The following KCNQ5 variants were observed in gnomAD, a reference collection of about 807,000 sequenced individuals.
KCNQ5 encodes potassium voltage-gated channel subfamily Q member 5.
Under a neutral mutation model 98.2 loss-of-function variants are expected in KCNQ5, and 30 were observed. The ratio of observed to expected loss-of-function variants is 0.31; its 90% CI spans 0.23 to 0.41. The LOEUF is 0.41. Among genes scored for constraint, KCNQ5 ranks in the 10% least tolerant of loss-of-function variants. The pLI, the probability that KCNQ5 is intolerant of heterozygous loss-of-function variation, is 1.00. For missense variants in KCNQ5, 835 were observed against 1,182.5 expected, an observed-to-expected ratio of 0.71 and a Z score of 4.31; for synonymous variants, 458 against 449.4, an observed-to-expected ratio of 1.02 and a Z score of -0.24.
chr6:72,636,976 C>T (rs2098924503), intron 1 of KCNQ5, among the ~76,000 whole-genome samples: 1 of 152,298 alleles, frequency 6.6e-6, no homozygotes, highest in East Asian at 1.9e-4. Context: ...TGGAGCTCGG[C>T]GTTCAGCTGC....
intron 1 of KCNQ5, among the ~76,000 whole-genome samples, chr6:72,952,725 G>A (rs1766862544): frequency 6.6e-6 from 1 of 152,196 alleles, no homozygotes; most frequent in African/African-American, 2.4e-5. Flanking sequence ...CCCTTTCTTG[G>A]ATAGTAACTG....
At chr6:73,081,561 T>G (rs757493374) in intron 5 of KCNQ5, among the ~76,000 whole-genome samples, 4 of 152,176 alleles carry the variant, frequency 2.6e-5, no homozygotes, top group Non-Finnish European at 5.9e-5. Context: ...AAAGACTCCC[T>G]TGGGGAGAAT....
chr6:72,859,912 G>A (rs1204588583), intron 1 of KCNQ5, among the ~76,000 whole-genome samples: 4 of 151,722 alleles, frequency 2.6e-5, no homozygotes, highest in Non-Finnish European at 5.9e-5. Flanking sequence ...TTAAATACCT[G>A]GTTGTCCTCT....
intron 1 of KCNQ5, among the ~76,000 whole-genome samples, chr6:72,656,537 T>C (rs1441858096): frequency 2.0e-5 from 3 of 152,236 alleles, no homozygotes; most frequent in African/African-American, 7.2e-5. Flanking sequence ...ATTATATCTT[T>C]GCAATATTAA....
intron 3 of KCNQ5, among the ~76,000 whole-genome samples, chr6:73,054,170 C>A (rs578020723): frequency 6.6e-6 from 1 of 151,962 alleles, no homozygotes; most frequent in Non-Finnish European, 1.5e-5. Context: ...GGACAGAGAC[C>A]AATAATGAGT....
chr6:72,784,886 G>A (rs904088714), intron 1 of KCNQ5, among the ~76,000 whole-genome samples: 1 of 152,218 alleles, frequency 6.6e-6, no homozygotes, highest in Non-Finnish European at 1.5e-5. Flanking sequence ...AAGAGAGAAA[G>A]TGATGGTAAT....
At chr6:72,887,771 G>A (rs1259208339) in intron 1 of KCNQ5, among the ~76,000 whole-genome samples, 1 of 151,944 alleles carries the variant, frequency 6.6e-6, no homozygotes, top group Non-Finnish European at 1.5e-5. Flanking sequence ...GTCCAAGACT[G>A]CAATTCCAAA....
Position 73,195,327 on chromosome 6 carries a change from G to A in KCNQ5, c.2712G>A (p.Arg904=), listed in dbSNP as rs771155611. 3 of 1,614,188 alleles carry A rather than the reference G, an allele frequency of 1.9e-6. No individual in the cohort carries two copies. The Admixed American group carries it at 5.0e-5, about 27-fold the overall frequency. The change falls in exon 14 of 14, where the codon AGG becomes AGA. Residue 904 remains arginine, a synonymous_variant. Coordinates refer to ENST00000370398, the MANE Select transcript of KCNQ5 (RefSeq NM_019842.4). ...CTGCCTTTGCATCAGACTCTCTAAG[G>A]ACTGGAAGGTCACGATCATCTCAGA... ...REAAFASDSL[R]TGRSRSSQSI...
At chr6:72,926,780 T>C (rs1765442710) in intron 1 of KCNQ5, among the ~76,000 whole-genome samples, 1 of 152,202 alleles carries the variant, frequency 6.6e-6, no homozygotes, top group Non-Finnish European at 1.5e-5. Context: ...CTAAGATTTA[T>C]AAATCATAAA....
chr6:72,870,983 A>G (rs910061076), intron 1 of KCNQ5, among the ~76,000 whole-genome samples: 3 of 152,166 alleles, frequency 2.0e-5, no homozygotes, highest in Non-Finnish European at 4.4e-5. Flanking sequence ...TAAAATCTTG[A>G]AAAGAATAGG....
intron 2 of KCNQ5, among the ~76,000 whole-genome samples, chr6:73,017,908 G>T (rs1040981159): frequency 4.6e-5 from 7 of 152,096 alleles, no homozygotes; most frequent in Non-Finnish European, 7.4e-5. Flanking sequence ...GACCAGAAGG[G>T]TAGAAAGTAA....
At chr6:72,889,322 G>T (rs919323328) in intron 1 of KCNQ5, among the ~76,000 whole-genome samples, 3 of 152,150 alleles carry the variant, frequency 2.0e-5, no homozygotes, top group African/African-American at 7.2e-5. Context: ...AAGCAGATTA[G>T]ATAGGACCTT....
intron 2 of KCNQ5, among the ~76,000 whole-genome samples, chr6:73,033,779 G>A (rs1771263260): frequency 7.0e-6 from 1 of 142,864 alleles, no homozygotes; most frequent in Non-Finnish European, 1.5e-5. Flanking sequence ...GTTCTGTCAC[G>A]CTCTCACAAC....
At chr6:72,987,538 C>A in intron 1 of KCNQ5, 1 of 657,744 alleles carries the variant, frequency 1.5e-6, no homozygotes, top group Non-Finnish European at 2.9e-6. Context: ...CCCCTCCAAG[C>A]CCCGCAGCAC....
At chr6:72,911,717 G>A (rs538805454) in intron 1 of KCNQ5, among the ~76,000 whole-genome samples, 3 of 152,238 alleles carry the variant, frequency 2.0e-5, no homozygotes, top group African/African-American at 7.2e-5. Context: ...CTGTCAGTGA[G>A]TGTGCATTAG....
intron 1 of KCNQ5, among the ~76,000 whole-genome samples, chr6:72,790,050 G>A (rs1374167729): frequency 2.6e-5 from 4 of 152,176 alleles, no homozygotes; most frequent in Non-Finnish European, 5.9e-5. Flanking sequence ...CACTTGTCAA[G>A]ATAAATGTTT....
chr6:72,625,877 A>G (rs148672004), intron 1 of KCNQ5, among the ~76,000 whole-genome samples: 73 of 152,218 alleles, frequency 4.8e-4, no homozygotes, highest in African/African-American at 1.7e-3. Context: ...TTACCTCTCC[A>G]TTAGATGATT....
chr6:73,072,777 C>T (rs1173343478), intron 3 of KCNQ5, among the ~76,000 whole-genome samples: 1 of 152,126 alleles, frequency 6.6e-6, no homozygotes, highest in East Asian at 1.9e-4. Flanking sequence ...CCTTGTAAAC[C>T]TATATTTCAC....
At chr6:73,062,409 C>T (rs1441563499) in intron 3 of KCNQ5, among the ~76,000 whole-genome samples, 1 of 152,126 alleles carries the variant, frequency 6.6e-6, no homozygotes, top group African/African-American at 2.4e-5. Context: ...ATATTATATG[C>T]CCAGGTCCTA....
Sources: gnomAD v4.1 joint callset for allele counts (sites outside exome capture counted in the v4.1 genomes callset) on GRCh38, gnomAD v4.1.1 for gene constraint, MANE v1.5 for transcripts, NCBI Gene and HGNC (gene_info 2026-07-23, HGNC 2026-07-21) for gene names.